Variants in RSU1 observed in about 807,000 individuals in gnomAD.
The protein encoded by RSU1 is Ras suppressor protein 1.
RSU1 carries 26 observed loss-of-function variants against 31.1 expected under a neutral mutation model. The ratio of observed to expected loss-of-function variants is 0.84; its 90% CI spans 0.61 to 1.16. RSU1 has a LOEUF of 1.16. Among genes scored for constraint, RSU1 ranks in the 50% most tolerant of loss-of-function variants. The probability of loss-of-function intolerance (pLI) is 0.00; values close to 1 mark genes in which losing one functional copy is unlikely to be tolerated. For synonymous variants in RSU1, 164 were observed against 136.3 expected, an observed-to-expected ratio of 1.20 and a Z score of -1.41; for missense variants, 320 against 339.1, an observed-to-expected ratio of 0.94 and a Z score of 0.44.
At chr10:16,649,705 G>A (rs1057284432) in intron 8 of RSU1, among the ~76,000 whole-genome samples, 6 of 152,078 alleles carry the variant, frequency 3.9e-5, no homozygotes, top group African/African-American at 9.7e-5. Context: ...AAAATTCTCC[G>A]TACAAAAAAT....
At chr10:16,663,279 G>A (rs886186020) in intron 8 of RSU1, among the ~76,000 whole-genome samples, 1 of 152,152 alleles carries the variant, frequency 6.6e-6, no homozygotes, top group Non-Finnish European at 1.5e-5. Context: ...GAAGAAGCAT[G>A]TGTGATGCTC....
chr10:16,676,087 T>C (rs1371733892), intron 8 of RSU1, among the ~76,000 whole-genome samples: 1 of 152,168 alleles, frequency 6.6e-6, no homozygotes, highest in Non-Finnish European at 1.5e-5. Context: ...AGACAAATAC[T>C]AGTAAGTATT....
At chr10:16,799,471 C>T (rs1449591907) in intron 2 of RSU1, among the ~76,000 whole-genome samples, 2 of 151,946 alleles carry the variant, frequency 1.3e-5, no homozygotes, top group Non-Finnish European at 2.9e-5. Flanking sequence ...GCCGAATTGC[C>T]AGAGACTGAG....
intron 2 of RSU1, among the ~76,000 whole-genome samples, chr10:16,816,464 G>C (rs1229485933): frequency 6.6e-6 from 1 of 152,206 alleles, no homozygotes; most frequent in African/African-American, 2.4e-5. Flanking sequence ...GGCAAGTTAG[G>C]AGGATTTCAC....
intron 8 of RSU1, among the ~76,000 whole-genome samples, chr10:16,628,030 A>G (rs1165871211): frequency 2.0e-5 from 3 of 152,196 alleles, no homozygotes; most frequent in Non-Finnish European, 4.4e-5. Context: ...CTAATAACGT[A>G]TGGCAAACCG....
At chr10:16,662,341 T>A (rs375914151) in intron 8 of RSU1, among the ~76,000 whole-genome samples, 61 of 152,218 alleles carry the variant, frequency 4.0e-4, no homozygotes, top group African/African-American at 1.5e-3. Context: ...GATTTCTGAT[T>A]AATCAAAAAA....
At chr10:16,653,029 A>G (rs1834714981) in intron 8 of RSU1, among the ~76,000 whole-genome samples, 1 of 152,146 alleles carries the variant, frequency 6.6e-6, no homozygotes, top group African/African-American at 2.4e-5. Flanking sequence ...AAAAATATAC[A>G]AGGGAGAGCT....
chr10:16,765,440 T>C (rs1486498662), intron 3 of RSU1, among the ~76,000 whole-genome samples: 1 of 152,196 alleles, frequency 6.6e-6, no homozygotes, highest in African/African-American at 2.4e-5. Flanking sequence ...CTCAGTAGCA[T>C]GCTATGAATA....
At chr10:16,682,036 C>T (rs1022474797) in intron 8 of RSU1, among the ~76,000 whole-genome samples, 1 of 152,096 alleles carries the variant, frequency 6.6e-6, no homozygotes, top group Non-Finnish European at 1.5e-5. Context: ...AGCAAGCCAG[C>T]TTTAACTACA....
At chr10:16,620,152 T>C (rs1472942917) in intron 8 of RSU1, among the ~76,000 whole-genome samples, 2 of 152,212 alleles carry the variant, frequency 1.3e-5, no homozygotes, top group African/African-American at 4.8e-5. Flanking sequence ...AGCAGGTTAT[T>C]TAACCTATCT....
At chr10:16,676,246 A>G (rs1835229696) in intron 8 of RSU1, among the ~76,000 whole-genome samples, 1 of 152,244 alleles carries the variant, frequency 6.6e-6, no homozygotes, top group Non-Finnish European at 1.5e-5. Flanking sequence ...CTTCTTATGA[A>G]GAAAAAGAGG....
At chr10:16,605,294 GTTAT>G (rs1833783988) in intron 8 of RSU1, among the ~76,000 whole-genome samples, 1 of 152,064 alleles carries the variant, frequency 6.6e-6, no homozygotes, top group African/African-American at 2.4e-5. Context: ...TCACCATCTA[GTTAT>G]TTATTTGATG....
chr10:16,647,711 T>A (rs554910761), intron 8 of RSU1, among the ~76,000 whole-genome samples: 2 of 152,220 alleles, frequency 1.3e-5, no homozygotes, highest in African/African-American at 4.8e-5. Flanking sequence ...TGGCATCTTC[T>A]GGGGGGATTA....
chr10:16,609,244 G>T (rs940747455), intron 8 of RSU1, among the ~76,000 whole-genome samples: 1 of 152,212 alleles, frequency 6.6e-6, no homozygotes, highest in African/African-American at 2.4e-5. Context: ...AAGATTCCAT[G>T]CATCAGCAAG....
intron 3 of RSU1, among the ~76,000 whole-genome samples, chr10:16,772,660 A>AAAAAAC (rs1837445886): frequency 6.8e-6 from 1 of 147,056 alleles, no homozygotes; most frequent in African/African-American, 2.5e-5. Flanking sequence ...AAAAAAAAAA[A>AAAAAAC]ACAAGAAAAA....
intron 2 of RSU1, among the ~76,000 whole-genome samples, chr10:16,782,463 C>T (rs1837674425): frequency 6.6e-6 from 1 of 152,168 alleles, no homozygotes; most frequent in South Asian, 2.1e-4. Flanking sequence ...GGGGCCTTAC[C>T]TTGTGCTAAA....
chr10:16,714,605 G>C (rs1027175010), intron 7 of RSU1, among the ~76,000 whole-genome samples: 1 of 152,064 alleles, frequency 6.6e-6, no homozygotes, highest in Non-Finnish European at 1.5e-5. Context: ...TTCCCTGGGG[G>C]GTGGGGGGAT....
chr10:16,673,011 C>G (rs1040045793), intron 8 of RSU1, among the ~76,000 whole-genome samples: 3 of 152,354 alleles, frequency 2.0e-5, no homozygotes, highest in East Asian at 1.9e-4. Flanking sequence ...CTTACACCCA[C>G]TGGTCTACAG....
At chr10:16,811,878 AG>A (rs1838416874) in intron 2 of RSU1, among the ~76,000 whole-genome samples, 1 of 152,146 alleles carries the variant, frequency 6.6e-6, no homozygotes, top group Admixed American at 6.5e-5. Context: ...ATTTTTCCCA[AG>A]TACTATGCCA....
Sources: gnomAD v4.1 joint callset for allele counts (sites outside exome capture counted in the v4.1 genomes callset) on GRCh38, gnomAD v4.1.1 for gene constraint, MANE v1.5 for transcripts, NCBI Gene and HGNC (gene_info 2026-07-23, HGNC 2026-07-21) for gene names.